The following CCDC85A variants were observed in gnomAD, a reference collection of about 807,000 sequenced individuals.
The protein encoded by CCDC85A is coiled-coil domain containing 85A, also known as coiled-coil domain-containing protein 85A.
CCDC85A carries 38 observed loss-of-function variants against 50.2 expected under a neutral mutation model. That is an observed-to-expected ratio of 0.76 (90% CI 0.58 to 0.99). CCDC85A has a LOEUF of 0.99. Ranked by LOEUF, CCDC85A falls within the 50% of genes least tolerant of loss-of-function variation. CCDC85A has a pLI of 0.00. For missense variants in CCDC85A, 820 were observed against 742.0 expected (o/e 1.11, Z -1.22); for synonymous variants, 366 against 301.4 (o/e 1.21, Z -2.22).
chr2:56,359,215 A>G (rs1371396253), intron 3 of CCDC85A, among the ~76,000 whole-genome samples: 1 of 152,046 alleles, frequency 6.6e-6, no homozygotes, highest in Non-Finnish European at 1.5e-5. Flanking sequence ...CAGTACTGGG[A>G]TTTGAAGTGT....
intron 1 of CCDC85A, among the ~76,000 whole-genome samples, chr2:56,190,132 C>A (rs1676236674): frequency 6.6e-6 from 1 of 152,258 alleles, no homozygotes; most frequent in Non-Finnish European, 1.5e-5. Context: ...ATGTTAAGGG[C>A]AGTGTTGAAA....
chr2:56,236,159 C>A lies in CCDC85A; in HGVS notation c.1240+42719C>A, dbSNP rs527920392. Reference sequence around the variant, plus strand: ...ATAACAGAATTGTAACAGCTTACTTCCAGTGTCATTGTAAGCATTGGGAAA... The same window carrying A: ...ATAACAGAATTGTAACAGCTTACTTACAGTGTCATTGTAAGCATTGGGAAA... On this transcript the variant is annotated intron_variant, in intron 2 of 5. Transcript: ENST00000407595. 6.6e-5 allele frequency among the ~76,000 whole-genome samples: 10 copies of A among 152,238 alleles called. 1 individual carries two copies. The highest frequency in any genetic ancestry group is 1.2e-4 in the Non-Finnish European group (8 of 68,028).
intron 2 of CCDC85A, among the ~76,000 whole-genome samples, chr2:56,220,400 C>T (rs1199828432): frequency 6.6e-6 from 1 of 151,946 alleles, no homozygotes; most frequent in Non-Finnish European, 1.5e-5. Context: ...AAACTATTAA[C>T]ATCAGAGAAC....
At chr2:56,321,989 C>G (rs1473640676) in intron 2 of CCDC85A, among the ~76,000 whole-genome samples, 1 of 152,138 alleles carries the variant, frequency 6.6e-6, no homozygotes, top group Admixed American at 6.5e-5. Context: ...AATAATACCA[C>G]ACATCTACAA....
At chr2:56,206,601 C>CCACT in intron 2 of CCDC85A, among the ~76,000 whole-genome samples, 1 of 152,222 alleles carries the variant, frequency 6.6e-6, no homozygotes, top group African/African-American at 2.4e-5. Context: ...GATAACTAAC[C>CCACT]CACTCCCATG....
intron 2 of CCDC85A, among the ~76,000 whole-genome samples, chr2:56,312,209 A>T (rs1413094626): frequency 1.3e-5 from 2 of 152,204 alleles, no homozygotes; most frequent in African/African-American, 4.8e-5. Flanking sequence ...AACATCTATC[A>T]AGCACCCTGA....
intron 2 of CCDC85A, among the ~76,000 whole-genome samples, chr2:56,203,504 C>T (rs1172372107): frequency 6.6e-6 from 1 of 152,060 alleles, no homozygotes; most frequent in Non-Finnish European, 1.5e-5. Flanking sequence ...CTCAAAATTG[C>T]CCACTTTGGG....
chr2:56,354,867 T>A (rs957187225), intron 3 of CCDC85A, among the ~76,000 whole-genome samples: 1 of 152,194 alleles, frequency 6.6e-6, no homozygotes, highest in Non-Finnish European at 1.5e-5. Context: ...ACATCAATAA[T>A]CAATGGAGTC....
In CCDC85A at chr2:56,384,415, A is replaced by AAGC. The variant is rs926438957; in HGVS notation, c.*61_*62insGCA. 528 of 1,476,196 alleles carry AAGC rather than the reference A, an allele frequency of 3.6e-4. 1 individual carries two copies. Among genetic ancestry groups the AAGC allele is most frequent in the Non-Finnish European group, 4.9e-4 (514 of 1,057,878 alleles). 91.4% of individuals were successfully genotyped at this position (1,476,196 alleles called of 1,614,324 possible). On this transcript the variant is annotated 3_prime_UTR_variant, in exon 6 of 6. Coordinates refer to ENST00000407595, the MANE Select transcript of CCDC85A (RefSeq NM_001080433.2). ...CCAGAAAGTGATAGAAGACAAGAAGAAAAAGGAAAGAGTGGGTTTCCACAA... is the reference window on the plus strand; with the variant it reads ...CCAGAAAGTGATAGAAGACAAGAAGAAGCAAAAGGAAAGAGTGGGTTTCCACAA...
chr2:56,185,004 C>A, intron 1 of CCDC85A, 104 bp downstream of exon 1: 1 of 1,342,842 alleles, frequency 7.4e-7, no homozygotes, highest in African/African-American at 1.5e-5. Context: ...AACAGGTGAC[C>A]CTCCCCTTCT....
At chr2:56,356,948 G>A (rs1055482737) in intron 3 of CCDC85A, among the ~76,000 whole-genome samples, 1 of 151,500 alleles carries the variant, frequency 6.6e-6, no homozygotes, top group Non-Finnish European at 1.5e-5. Flanking sequence ...GCGTGGTGGT[G>A]GGCACCTGTA....
intron 3 of CCDC85A, among the ~76,000 whole-genome samples, chr2:56,345,856 A>G (rs915177478): frequency 3.3e-5 from 5 of 152,222 alleles, no homozygotes; most frequent in African/African-American, 4.8e-5. Context: ...CAATTCAATG[A>G]GAAAAGCTGA....
At chr2:56,280,875 A>T (rs772417157) in intron 2 of CCDC85A, among the ~76,000 whole-genome samples, 1 of 152,240 alleles carries the variant, frequency 6.6e-6, no homozygotes, top group Non-Finnish European at 1.5e-5. Flanking sequence ...ACTTCAGATT[A>T]TCCTTTGACA....
At chr2:56,240,321 G>T (rs1669199725) in intron 2 of CCDC85A, among the ~76,000 whole-genome samples, 1 of 152,106 alleles carries the variant, frequency 6.6e-6, no homozygotes, top group African/African-American at 2.4e-5. Flanking sequence ...TTTACATAGG[G>T]TATAACCGAG....
chr2:56,281,903 T>C (rs1671222977), intron 2 of CCDC85A, among the ~76,000 whole-genome samples: 1 of 152,188 alleles, frequency 6.6e-6, no homozygotes, highest in African/African-American at 2.4e-5. Flanking sequence ...TTCTTAGTGG[T>C]GTTTAGATGA....
intron 2 of CCDC85A, among the ~76,000 whole-genome samples, chr2:56,337,472 G>T (rs1046308068): frequency 3.3e-5 from 5 of 152,134 alleles, no homozygotes; most frequent in East Asian, 1.9e-4. Flanking sequence ...AAATAATCTG[G>T]CCTCTCCTCC....
rs780223971 is a variant in CCDC85A at position 56,375,816 on chromosome 2, G to T, written c.1453G>T (p.Gly485Cys). The T allele has an allele frequency of 7.4e-6, 12 of 1,613,124 alleles. 1 individual carries two copies. The South Asian group carries it at 1.2e-4, about 16-fold the overall frequency. Residue 485 changes from glycine to cysteine, a missense_variant and splice_region_variant, in exon 5 of 6, where the codon GGT (glycine) becomes TGT (cysteine). By Grantham distance (159) the Gly-to-Cys change is radical. Transcript: ENST00000407595. ...ACAAAGTTGTTGATTTTCTACTAAG[G>T]GTTCTTTTAGGTTGTCATCAGGGGC... is the stretch of plus-strand genomic sequence containing the variant. Reference protein sequence around the residue: ...GIGRCLPTLPGSFRLSSGADG... With the variant: ...GIGRCLPTLPCSFRLSSGADG...
rs972730559 is a variant in CCDC85A at position 56,184,587 on chromosome 2, C to T, written c.-38C>T. 3.9e-5 allele frequency: 54 copies of T among 1,378,354 alleles called. No individual in the cohort carries two copies. Among genetic ancestry groups the T allele is most frequent in the Middle Eastern group, 2.7e-4 (1 of 3,742 alleles). 85.4% of individuals were successfully genotyped at this position (1,378,354 alleles called of 1,614,324 possible). A position where few individuals can be genotyped will look rare whatever the true frequency, so the allele number is the denominator to read the frequency against. ...CCCGCGCCTTCGGGAGTCGCCTCGC[C>T]TCTTCCACCCACTTGCACCTGCCAC... On this transcript the variant is annotated 5_prime_UTR_variant, in exon 1 of 6. Transcript: ENST00000407595.
chr2:56,372,717 A>G (rs941073281), intron 4 of CCDC85A, among the ~76,000 whole-genome samples: 3 of 152,192 alleles, frequency 2.0e-5, no homozygotes, highest in African/African-American at 7.2e-5. Flanking sequence ...GGAGAGAAGA[A>G]CAAAAGTACC....
Sources: allele counts gnomAD v4.1 joint callset (sites outside exome capture counted in the v4.1 genomes callset), GRCh38; gene constraint gnomAD v4.1.1; transcripts MANE v1.5; gene names NCBI Gene and HGNC (gene_info 2026-07-23, HGNC 2026-07-21).